The following EPHA6 variants were observed in gnomAD, a reference collection of about 807,000 sequenced individuals.
EPHA6 encodes ephrin type-A receptor 6.
Under a neutral mutation model 112.0 loss-of-function variants are expected in EPHA6, and 50 were observed. That is an observed-to-expected ratio of 0.45 (90% confidence interval 0.36 to 0.56). The LOEUF is 0.56. Among genes scored for constraint, EPHA6 ranks in the 20% least tolerant of loss-of-function variants. EPHA6 has a pLI of 0.00. For missense variants in EPHA6, 1,280 were observed against 1,417.4 expected (o/e 0.90, Z 1.56); for synonymous variants, 529 against 490.7 (o/e 1.08, Z -1.03).
At chr3:97,344,579 G>GA (rs1470916365) in intron 5 of EPHA6, among the ~76,000 whole-genome samples, 7 of 152,086 alleles carry the variant, frequency 4.6e-5, no homozygotes, top group Non-Finnish European at 8.8e-5. Flanking sequence ...CCAATGCCTT[G>GA]ACCTCAGACT....
chr3:97,218,021 A>G (rs113285173), intron 3 of EPHA6, among the ~76,000 whole-genome samples: 1,746 of 152,300 alleles, frequency 0.011, 33 homozygotes, highest in African/African-American at 0.039. Context: ...CTGTAGTCTC[A>G]GCACTTTGGC....
chr3:97,411,137 T>C (rs1396864424), intron 6 of EPHA6, among the ~76,000 whole-genome samples: 2 of 151,824 alleles, frequency 1.3e-5, no homozygotes, highest in Non-Finnish European at 2.9e-5. Context: ...CAGCATTACC[T>C]GAAAGAAAAT....
At chr3:96,915,767 T>A (rs1201727825) in intron 2 of EPHA6, among the ~76,000 whole-genome samples, 2 of 152,128 alleles carry the variant, frequency 1.3e-5, no homozygotes, top group East Asian at 3.8e-4. Flanking sequence ...ATACTTACTG[T>A]GCTCATTGTT....
At chr3:97,527,920 T>C (rs1255786238) in intron 10 of EPHA6, among the ~76,000 whole-genome samples, 1 of 152,132 alleles carries the variant, frequency 6.6e-6, no homozygotes, top group African/African-American at 2.4e-5. Context: ...GAATGTTTCC[T>C]GTAAGGCTAT....
Position 97,720,395 on chromosome 3 carries a change from A to G in EPHA6, c.2919A>G (p.Glu973=). 1.2e-6 allele frequency: 2 copies of G among 1,600,860 alleles called. No homozygotes were observed. Among genetic ancestry groups the G allele is most frequent in the Non-Finnish European group, 1.7e-6 (2 of 1,174,642 alleles). ...VMSYGERPYW[E]MSNQDVILSI... is the part of the protein sequence containing the mutation. ...CCTATGGAGAGAGACCTTATTGGGA[A>G]ATGTCTAACCAAGATGTAAGTGCTA... The change falls in exon 15 of 18, where the codon GAA becomes GAG. Residue 973 remains glutamate, a synonymous_variant. Transcript: ENST00000389672.
At chr3:96,967,181 TACACAC>T (rs144463079) in intron 2 of EPHA6, among the ~76,000 whole-genome samples, 7 of 146,146 alleles carry the variant, frequency 4.8e-5, no homozygotes, top group East Asian at 4.0e-4. Flanking sequence ...ATGCTATGAA[TACACAC>T]ACACACACAC....
intron 6 of EPHA6, among the ~76,000 whole-genome samples, chr3:97,434,036 T>A (rs530835341): frequency 1.6e-4 from 23 of 144,018 alleles, no homozygotes; most frequent in Middle Eastern, 3.4e-3. Flanking sequence ...ATTAGAATTG[T>A]GACATTTCTG....
At chr3:97,042,310 G>T (rs555287447) in intron 3 of EPHA6, among the ~76,000 whole-genome samples, 4 of 152,164 alleles carry the variant, frequency 2.6e-5, no homozygotes, top group Admixed American at 2.6e-4. Context: ...GCTGTTACGT[G>T]CCTGCTTCCC....
In EPHA6 at chr3:97,424,384, T is replaced by A. The variant is rs2088927185; in HGVS notation, c.1731+19110T>A. Among the ~76,000 whole-genome samples, 2 of 152,092 alleles carry A rather than the reference T, an allele frequency of 1.3e-5. 1 individual carries two copies. Among genetic ancestry groups the A allele is most frequent in the Admixed American group, 1.3e-4 (2 of 15,266 alleles). ...TCATATCCACACATAACAAAATCAATCATGCCTTCCCTACAGTCCCCCAAA... is the reference window on the plus strand; with the variant it reads ...TCATATCCACACATAACAAAATCAAACATGCCTTCCCTACAGTCCCCCAAA... On this transcript the variant is annotated intron_variant, in intron 6 of 17. Coordinates refer to ENST00000389672, the MANE Select transcript of EPHA6 (RefSeq NM_001080448.3).
chr3:97,252,882 A>C (rs1435103310), intron 5 of EPHA6, among the ~76,000 whole-genome samples: 1 of 152,236 alleles, frequency 6.6e-6, no homozygotes, highest in Admixed American at 6.5e-5. Flanking sequence ...GCCAGCCCTG[A>C]AAACATTTTG....
intron 3 of EPHA6, among the ~76,000 whole-genome samples, chr3:97,002,081 C>T (rs1432866617): frequency 6.6e-6 from 1 of 151,840 alleles, no homozygotes; most frequent in Non-Finnish European, 1.5e-5. Flanking sequence ...TAAAAGTAAA[C>T]TACTCTTCAG....
At chr3:97,610,917 T>C in intron 13 of EPHA6, 63 bp downstream of exon 13, 1 of 1,305,028 alleles carries the variant, frequency 7.7e-7, no homozygotes, top group Non-Finnish European at 1.1e-6. Context: ...TTAAATCATT[T>C]ATCATAAATT....
chr3:96,866,220 C>G (rs1021665521), intron 1 of EPHA6, among the ~76,000 whole-genome samples: 4 of 151,852 alleles, frequency 2.6e-5, no homozygotes, highest in African/African-American at 7.3e-5. Flanking sequence ...TACATGTCTG[C>G]TTTTTTGACA....
chr3:97,344,133 C>T (rs1449719427), intron 5 of EPHA6, among the ~76,000 whole-genome samples: 9 of 152,022 alleles, frequency 5.9e-5, no homozygotes, highest in Middle Eastern at 3.2e-3. Flanking sequence ...CTTTGAGTCT[C>T]ACCCATATCT....
chr3:96,886,495 C>T (rs1286345897), intron 2 of EPHA6, among the ~76,000 whole-genome samples: 1 of 152,074 alleles, frequency 6.6e-6, no homozygotes, highest in Non-Finnish European at 1.5e-5. Flanking sequence ...AAATAACTAC[C>T]CTTACTTGCT....
At chr3:97,309,331 G>A (rs903360187) in intron 5 of EPHA6, among the ~76,000 whole-genome samples, 10 of 151,500 alleles carry the variant, frequency 6.6e-5, no homozygotes, top group Non-Finnish European at 1.3e-4. Flanking sequence ...CCAGTGCAAG[G>A]CACTCTTAGT....
At position 97,748,707 on chromosome 3, in the gene EPHA6, C is replaced by A; in HGVS notation, c.*6C>A. The A allele has an allele frequency of 7.0e-7, 1 of 1,435,240 alleles. No homozygotes were observed. The highest frequency in any genetic ancestry group is 9.8e-7 in the Non-Finnish European group (1 of 1,017,832). 88.9% of individuals were successfully genotyped at this position (1,435,240 alleles called of 1,614,324 possible). On this transcript the variant is annotated 3_prime_UTR_variant, in exon 18 of 18. Transcript: ENST00000389672. ...AGAAGGGATTTCATGTATGAAAGTA[C>A]CACAAGCACCTGTGTTTTGTGCCTC...
chr3:97,001,887 CA>C (rs1201210685), intron 3 of EPHA6, among the ~76,000 whole-genome samples: 1 of 151,972 alleles, frequency 6.6e-6, no homozygotes, highest in African/African-American at 2.4e-5. Context: ...CATTATTGGA[CA>C]GTATCAAAAG....
At chr3:96,884,838 C>T (rs1400517889) in intron 2 of EPHA6, among the ~76,000 whole-genome samples, 3 of 152,100 alleles carry the variant, frequency 2.0e-5, no homozygotes, top group Non-Finnish European at 4.4e-5. Flanking sequence ...TTTCTCCATT[C>T]AGTATTATGT....
Sources: gnomAD v4.1 joint callset for allele counts (sites outside exome capture counted in the v4.1 genomes callset) on GRCh38, gnomAD v4.1.1 for gene constraint, MANE v1.5 for transcripts, NCBI Gene and HGNC (gene_info 2026-07-23, HGNC 2026-07-21) for gene names.